TRMT9B: variants seen among roughly 807,000 people sequenced by gnomAD.
TRMT9B encodes the protein tRNA methyltransferase 9B (putative).
In TRMT9B, 16 loss-of-function variants were observed where a neutral mutation model predicts 11.5. The ratio of observed to expected loss-of-function variants is 1.39; its 90% CI spans 0.94 to 2.11. The LOEUF is 2.11. TRMT9B is among the 30% of genes most tolerant of loss of function. The probability of loss-of-function intolerance (pLI) is 0.00; values close to 1 mark genes in which losing one functional copy is unlikely to be tolerated. For synonymous variants in TRMT9B, 274 were observed against 192.4 expected, an observed-to-expected ratio of 1.42 and a Z score of -3.51; for missense variants, 941 against 553.8, an observed-to-expected ratio of 1.70 and a Z score of -7.02.
chr8:12,954,809 T>C (rs950700119), intron 1 of TRMT9B, among the ~76,000 whole-genome samples: 7 of 152,336 alleles, frequency 4.6e-5, no homozygotes, highest in African/African-American at 1.7e-4. Context: ...TCATTCATTT[T>C]GGATACTCAC....
chr8:12,978,291 C>A (rs1228207394), intron 1 of TRMT9B, among the ~76,000 whole-genome samples: 2 of 152,176 alleles, frequency 1.3e-5, no homozygotes, highest in Non-Finnish European at 2.9e-5. Flanking sequence ...TATCGATCAG[C>A]CCAAGAACCA....
At chr8:13,019,414 C>G (rs967343876) in intron 4 of TRMT9B, among the ~76,000 whole-genome samples, 5 of 152,212 alleles carry the variant, frequency 3.3e-5, no homozygotes, top group African/African-American at 7.2e-5. Flanking sequence ...ACTTCAGCCT[C>G]CTGAGTAGCT....
intron 1 of TRMT9B, among the ~76,000 whole-genome samples, chr8:12,966,591 A>G (rs1377280452): frequency 1.3e-5 from 2 of 152,232 alleles, no homozygotes; most frequent in Admixed American, 6.5e-5. Flanking sequence ...TTGTTTAGCC[A>G]TGTGGCACAG....
At chr8:12,956,743 A>C (rs565904910) in intron 1 of TRMT9B, among the ~76,000 whole-genome samples, 1 of 152,314 alleles carries the variant, frequency 6.6e-6, no homozygotes, top group Admixed American at 6.5e-5. Context: ...CATTTTAAGG[A>C]TTACAGAAAT....
intron 1 of TRMT9B, among the ~76,000 whole-genome samples, chr8:12,982,443 C>G (rs1246256641): frequency 6.6e-6 from 1 of 152,194 alleles, no homozygotes; most frequent in Non-Finnish European, 1.5e-5. Flanking sequence ...AGGTGGATCA[C>G]TTGAGGTCAG....
At chr8:12,960,405 A>C (rs1387571497) in intron 1 of TRMT9B, 3 of 152,232 alleles carry the variant, frequency 2.0e-5, no homozygotes, top group African/African-American at 7.2e-5. Flanking sequence ...ATCTTACGGC[A>C]GCCCAGAATG....
At chr8:12,952,374 T>G (rs772892755) in intron 1 of TRMT9B, 14 of 304,606 alleles carry the variant, frequency 4.6e-5, no homozygotes, top group Middle Eastern at 5.7e-4. Flanking sequence ...TTCCTGCTCG[T>G]CCCCTGCCTT....
chr8:12,995,381 A>T (rs943862645), intron 2 of TRMT9B, among the ~76,000 whole-genome samples: 1 of 152,220 alleles, frequency 6.6e-6, no homozygotes, highest in Non-Finnish European at 1.5e-5. Flanking sequence ...AAACAAATTT[A>T]TACAAAGTTA....
intron 3 of TRMT9B, chr8:13,010,973 C>T (rs1484381563): frequency 1.2e-5 from 11 of 899,810 alleles, no homozygotes; most frequent in African/African-American, 1.8e-5. Context: ...AAATAATAAT[C>T]CTGGAATTGT....
At chr8:13,012,195 G>C in intron 3 of TRMT9B, 2 of 985,098 alleles carry the variant, frequency 2.0e-6, no homozygotes, top group African/African-American at 1.7e-5. Flanking sequence ...TTCTATATGA[G>C]AATCTGTAAG....
In TRMT9B at chr8:13,005,227, C is replaced by T. The variant is rs558480708; in HGVS notation, c.-1-975C>T. ...ATATGTTCTCACTTATTTGTGGCAG[C>T]TAAAAATTAAAATAATTGAACTCAT... On this transcript the variant is annotated intron_variant, in intron 2 of 4. Coordinates refer to ENST00000524591, the MANE Select transcript of TRMT9B (RefSeq NM_020844.3). Among the ~76,000 whole-genome samples the T allele has an allele frequency of 4.9e-3, 747 of 152,054 alleles. 9 individuals carry two copies. The highest frequency in any genetic ancestry group is 0.032 in the South Asian group (154 of 4,816).
intron 2 of TRMT9B, among the ~76,000 whole-genome samples, chr8:12,994,146 A>C (rs1051054287): frequency 6.6e-6 from 1 of 152,234 alleles, no homozygotes; most frequent in African/African-American, 2.4e-5. Context: ...CCAAAGGAAC[A>C]GAGGATAAAC....
At chr8:13,008,090 C>T (rs543188954) in intron 3 of TRMT9B, among the ~76,000 whole-genome samples, 163 of 152,326 alleles carry the variant, frequency 1.1e-3, no homozygotes, top group Non-Finnish European at 2.0e-3. Flanking sequence ...CAGGTCACAA[C>T]ATTTTTGTCA....
chr8:13,010,010 T>G, intron 3 of TRMT9B, among the ~76,000 whole-genome samples: 1 of 151,846 alleles, frequency 6.6e-6, no homozygotes, highest in East Asian at 1.9e-4. Context: ...ATGATACACG[T>G]GCCTGTAGTC....
chr8:12,987,886 G>T (rs1338539796), intron 1 of TRMT9B, among the ~76,000 whole-genome samples: 1 of 152,110 alleles, frequency 6.6e-6, no homozygotes, highest in East Asian at 1.9e-4. Flanking sequence ...GCTCTCTGTG[G>T]CTTCCCAGCA....
intron 1 of TRMT9B, among the ~76,000 whole-genome samples, chr8:12,965,658 T>C (rs1802713657): frequency 6.6e-6 from 1 of 151,544 alleles, no homozygotes; most frequent in African/African-American, 2.4e-5. Flanking sequence ...AGCAGGAAAT[T>C]AGAAAGTGGA....
At chr8:12,947,364 GCTAAAACCA>G in intron 1 of TRMT9B, among the ~76,000 whole-genome samples, 1 of 152,238 alleles carries the variant, frequency 6.6e-6, no homozygotes, top group East Asian at 1.9e-4. Context: ...TGCTAAACTA[GCTAAAACCA>G]CTAAAAAAAT....
At chr8:13,005,798 C>G (rs1465798863) in intron 2 of TRMT9B, among the ~76,000 whole-genome samples, 2 of 152,124 alleles carry the variant, frequency 1.3e-5, no homozygotes, top group East Asian at 3.9e-4. Context: ...ATTAATAGCG[C>G]TTTGCTATTG....
At chr8:13,017,080 A>T (rs557920727) in intron 4 of TRMT9B, among the ~76,000 whole-genome samples, 52,655 of 150,460 alleles carry the variant, frequency 0.35, 9,791 homozygotes, top group Middle Eastern at 0.54. Flanking sequence ...ACCAGGTCAC[A>T]CCACTGCACT....
Sources: allele counts gnomAD v4.1 joint callset (sites outside exome capture counted in the v4.1 genomes callset), GRCh38; gene constraint gnomAD v4.1.1; transcripts MANE v1.5; gene names NCBI Gene and HGNC (gene_info 2026-07-23, HGNC 2026-07-21).